Variants in FSTL4 observed in about 807,000 individuals in gnomAD.
FSTL4 encodes follistatin like 4.
FSTL4 carries 28 observed loss-of-function variants against 78.2 expected under a neutral mutation model. That is an observed-to-expected ratio of 0.36 (90% confidence interval 0.27 to 0.49). FSTL4 has a LOEUF of 0.49. Among genes scored for constraint, FSTL4 ranks in the 20% least tolerant of loss-of-function variants. The pLI is 0.98. For synonymous variants in FSTL4, 422 were observed against 440.5 expected, an observed-to-expected ratio of 0.96 and a Z score of 0.53; for missense variants, 922 against 1,084.9, an observed-to-expected ratio of 0.85 and a Z score of 2.11.
chr5:133,478,147 T>C (rs1035350573), intron 3 of FSTL4, among the ~76,000 whole-genome samples: 1 of 152,194 alleles, frequency 6.6e-6, no homozygotes, highest in African/African-American at 2.4e-5. Context: ...TCCAAGATAT[T>C]ACTAATGAAA....
intron 3 of FSTL4, among the ~76,000 whole-genome samples, chr5:133,432,616 A>G (rs2126997050): frequency 6.6e-6 from 1 of 152,332 alleles, no homozygotes; most frequent in African/African-American, 2.4e-5. Context: ...TTTATTGGGC[A>G]TCTGCTATCT....
intron 2 of FSTL4, among the ~76,000 whole-genome samples, chr5:133,602,031 C>A (rs187764885): frequency 3.3e-5 from 5 of 152,116 alleles, no homozygotes. Context: ...CCATCCTAAG[C>A]CCTAGGCCCA....
At chr5:133,279,630 G>T (rs1474099007) in intron 6 of FSTL4, among the ~76,000 whole-genome samples, 1 of 152,192 alleles carries the variant, frequency 6.6e-6, no homozygotes, top group Admixed American at 6.5e-5. Flanking sequence ...GGTCAGGTGG[G>T]GTGGAGGGGC....
At chr5:133,400,067 C>T (rs770129918) in intron 4 of FSTL4, among the ~76,000 whole-genome samples, 10 of 152,200 alleles carry the variant, frequency 6.6e-5, no homozygotes, top group Non-Finnish European at 1.3e-4. Flanking sequence ...AATACATAAG[C>T]GCATAAGACA....
intron 3 of FSTL4, among the ~76,000 whole-genome samples, chr5:133,561,893 A>G (rs532805940): frequency 6.4e-4 from 98 of 152,310 alleles, no homozygotes; most frequent in African/African-American, 2.2e-3. Context: ...TTCCCATTCA[A>G]CTTCAGGCAA....
intron 3 of FSTL4, among the ~76,000 whole-genome samples, chr5:133,415,263 G>A (rs1756555281): frequency 6.6e-6 from 1 of 152,160 alleles, no homozygotes; most frequent in Non-Finnish European, 1.5e-5. Flanking sequence ...TTGACTGTCC[G>A]GCTCTCCTGA....
rs139384709 is a variant in FSTL4, at chr5:133,358,456, C to T, written c.410-41804G>A. The stretch of plus-strand genomic sequence containing the variant: ...AGGGGCAGGACTCTGAGAGCAAAGG[C>T]AGCCCCCAGCAGGGAGGGCGAGGGG... On this transcript the variant is annotated intron_variant, in intron 4 of 15. Coordinates refer to ENST00000265342, the MANE Select transcript of FSTL4 (RefSeq NM_015082.2). 7.7e-3 allele frequency among the ~76,000 whole-genome samples: 1,165 copies of T among 152,276 alleles called. 5 individuals carry two copies. Among genetic ancestry groups the T allele is most frequent in the Middle Eastern group, 0.031 (9 of 294 alleles).
intron 4 of FSTL4, among the ~76,000 whole-genome samples, chr5:133,383,113 G>A (rs1755613955): frequency 6.6e-6 from 1 of 152,098 alleles, no homozygotes; most frequent in African/African-American, 2.4e-5. Context: ...GGCCAAGCCC[G>A]GCCCACCCTG....
chr5:133,600,508 T>G (rs1332585776), intron 2 of FSTL4, among the ~76,000 whole-genome samples: 1 of 152,198 alleles, frequency 6.6e-6, no homozygotes. Flanking sequence ...TCCATTAGTA[T>G]TCTAGGGCAC....
intron 6 of FSTL4, among the ~76,000 whole-genome samples, chr5:133,311,769 C>T (rs907315119): frequency 1.3e-5 from 2 of 152,200 alleles, no homozygotes; most frequent in Non-Finnish European, 2.9e-5. Context: ...CCAGGGCTTG[C>T]ACTTAGGAAC....
chr5:133,399,030 C>T lies in FSTL4; in HGVS notation c.409+1708G>A, dbSNP rs188685604. On this transcript the variant is annotated intron_variant, in intron 4 of 15. Coordinates refer to ENST00000265342, the MANE Select transcript of FSTL4 (RefSeq NM_015082.2). ...AGCTTGTCCCCATCACTCCTCACCT[C>T]GGTGGGTTTTGTGGTGGCTGGTTTT... Among the ~76,000 whole-genome samples the T allele has an allele frequency of 5.8e-4, 89 of 152,288 alleles. 1 individual carries two copies. The highest frequency in any genetic ancestry group is 1.1e-3 in the Non-Finnish European group (77 of 68,032).
intron 2 of FSTL4, among the ~76,000 whole-genome samples, chr5:133,581,917 T>A (rs1760420190): frequency 6.6e-6 from 1 of 152,226 alleles, no homozygotes; most frequent in African/African-American, 2.4e-5. Context: ...CCCAGCTGCC[T>A]CAGACAAACC....
chr5:133,712,147 C>T, the FSTL4 span, among the ~76,000 whole-genome samples: 3 of 152,206 alleles, frequency 2.0e-5, no homozygotes, highest in African/African-American at 7.2e-5. Flanking sequence ...CTGAGGCCAA[C>T]TCAGAGCTGT....
chr5:133,735,507 C>A, the FSTL4 span, among the ~76,000 whole-genome samples: 1 of 152,064 alleles, frequency 6.6e-6, no homozygotes, highest in Non-Finnish European at 1.5e-5. Context: ...CTCACGATGG[C>A]TTTTTCTTTT....
At chr5:133,363,405 C>A (rs1755112319) in intron 4 of FSTL4, among the ~76,000 whole-genome samples, 1 of 152,022 alleles carries the variant, frequency 6.6e-6, no homozygotes, top group South Asian at 2.1e-4. Context: ...CCCAGCAACT[C>A]TGGAAATTCC....
At chr5:133,666,373 T>C in the FSTL4 span, among the ~76,000 whole-genome samples, 1 of 152,160 alleles carries the variant, frequency 6.6e-6, no homozygotes, top group Non-Finnish European at 1.5e-5. Context: ...TAAAAGAAAT[T>C]GAATTCTGAT....
At chr5:133,317,870 T>A (rs1048975353) in intron 4 of FSTL4, among the ~76,000 whole-genome samples, 11 of 152,222 alleles carry the variant, frequency 7.2e-5, no homozygotes, top group African/African-American at 2.4e-4. Flanking sequence ...CTTGACATTA[T>A]GGGAACCACA....
At chr5:133,364,597 T>C (rs1377083378) in intron 4 of FSTL4, among the ~76,000 whole-genome samples, 2 of 152,242 alleles carry the variant, frequency 1.3e-5, no homozygotes, top group Non-Finnish European at 2.9e-5. Context: ...AAATGAATCC[T>C]GAAGGAGATG....
At chr5:133,643,141 A>G in the FSTL4 span, among the ~76,000 whole-genome samples, 1 of 152,208 alleles carries the variant, frequency 6.6e-6, no homozygotes, top group Admixed American at 6.5e-5. Context: ...GAGTGTGCAT[A>G]GGTTTGAACT....
Sources: gnomAD v4.1 joint callset for allele counts (sites outside exome capture counted in the v4.1 genomes callset) on GRCh38, gnomAD v4.1.1 for gene constraint, MANE v1.5 for transcripts, NCBI Gene and HGNC (gene_info 2026-07-23, HGNC 2026-07-21) for gene names.